GRID2: variants seen among roughly 807,000 people sequenced by gnomAD.
GRID2 encodes the protein glutamate ionotropic receptor delta type subunit 2, also known as glutamate receptor ionotropic, delta-2.
GRID2 carries 33 observed loss-of-function variants against 114.8 expected under a neutral mutation model. The ratio of observed to expected loss-of-function variants is 0.29; its 90% CI spans 0.22 to 0.38. GRID2 has a LOEUF of 0.38. Ranked by LOEUF, GRID2 falls within the 10% of genes least tolerant of loss-of-function variation. The pLI is 1.00. For synonymous variants in GRID2, 505 were observed against 449.9 expected, an observed-to-expected ratio of 1.12 and a Z score of -1.55; for missense variants, 1,184 against 1,257.7, an observed-to-expected ratio of 0.94 and a Z score of 0.89.
Position 93,111,130 on chromosome 4 carries a change from T to C in GRID2, c.735+177T>C, listed in dbSNP as rs574125879. ...CACTTATCTCATTTACCCCTTACTG[T>C]CCAGTTAGTTGCTGAGAGTATTTGT... On this transcript the variant is annotated intron_variant, in intron 4 of 15. Transcript: ENST00000282020. 5.3e-5 allele frequency among the ~76,000 whole-genome samples: 8 copies of C among 152,260 alleles called. No homozygotes were observed. The South Asian group carries it at 1.7e-3, about 32-fold the overall frequency.
intron 1 of GRID2, among the ~76,000 whole-genome samples, chr4:92,360,080 T>C (rs1728539603): frequency 6.6e-6 from 1 of 152,010 alleles, no homozygotes; most frequent in Admixed American, 6.6e-5. Context: ...AGCAAGTATT[T>C]GAAGACAGGA....
intron 2 of GRID2, among the ~76,000 whole-genome samples, chr4:92,659,599 G>T (rs1732421504): frequency 6.6e-6 from 1 of 151,408 alleles, no homozygotes; most frequent in South Asian, 2.1e-4. Flanking sequence ...TGTTTTCTAA[G>T]ATGTACTCTT....
intron 13 of GRID2, among the ~76,000 whole-genome samples, chr4:93,596,168 T>G (rs568522112): frequency 6.6e-6 from 1 of 152,248 alleles, no homozygotes; most frequent in Non-Finnish European, 1.5e-5. Flanking sequence ...TTAGCCCTAG[T>G]AAACCTTTGT....
chr4:93,629,823 A>G (rs1308318043), intron 14 of GRID2, among the ~76,000 whole-genome samples: 3 of 152,188 alleles, frequency 2.0e-5, no homozygotes, highest in Non-Finnish European at 2.9e-5. Flanking sequence ...TACATTTATT[A>G]TCTGCTACCT....
chr4:93,178,364 T>G (rs1739551692), intron 4 of GRID2, among the ~76,000 whole-genome samples: 1 of 151,086 alleles, frequency 6.6e-6, no homozygotes, highest in Non-Finnish European at 1.5e-5. Context: ...GCTTATATTG[T>G]TTTCCTTGAA....
intron 14 of GRID2, among the ~76,000 whole-genome samples, chr4:93,695,810 G>A (rs1218265939): frequency 2.0e-5 from 3 of 152,104 alleles, no homozygotes; most frequent in Admixed American, 6.6e-5. Context: ...TCTCTAAGCC[G>A]CTCAACTTCT....
intron 14 of GRID2, among the ~76,000 whole-genome samples, chr4:93,724,055 G>T (rs1729624935): frequency 6.6e-6 from 1 of 152,174 alleles, no homozygotes; most frequent in African/African-American, 2.4e-5. Flanking sequence ...AATAAAATGA[G>T]TTACTGTTGA....
At chr4:92,711,076 AAAGTATTT>A (rs1487166402) in intron 2 of GRID2, among the ~76,000 whole-genome samples, 1 of 152,142 alleles carries the variant, frequency 6.6e-6, no homozygotes, top group Non-Finnish European at 1.5e-5. Context: ...TCCCACTATT[AAAGTATTT>A]ATTTCTAAGT....
At chr4:92,961,685 G>T (rs1453845088) in intron 2 of GRID2, among the ~76,000 whole-genome samples, 1 of 151,212 alleles carries the variant, frequency 6.6e-6, no homozygotes, top group South Asian at 2.1e-4. Flanking sequence ...GTTCTCTGAG[G>T]TTCCTGAATC....
intron 13 of GRID2, among the ~76,000 whole-genome samples, chr4:93,613,790 G>C (rs547394963): frequency 6.6e-6 from 1 of 151,800 alleles, no homozygotes; most frequent in Admixed American, 6.6e-5. Flanking sequence ...GCCCCAAGAC[G>C]TGGAGCCTAC....
intron 13 of GRID2, among the ~76,000 whole-genome samples, chr4:93,535,879 C>T (rs188217809): frequency 3.1e-4 from 47 of 152,084 alleles, no homozygotes; most frequent in African/African-American, 7.0e-4. Context: ...TTTCCTTTGA[C>T]GTGCAGAGCT....
chr4:92,602,482 G>A (rs977425527), intron 2 of GRID2, among the ~76,000 whole-genome samples: 6 of 152,070 alleles, frequency 3.9e-5, no homozygotes, highest in Non-Finnish European at 2.9e-5. Flanking sequence ...ATGCTGAAAA[G>A]GAATTTGATA....
chr4:93,342,438 G>GA lies in GRID2; in HGVS notation c.1246-53160dup, dbSNP rs201176788. Among the ~76,000 whole-genome samples, 972 of 150,922 alleles carry GA rather than the reference G, an allele frequency of 6.4e-3. 6 individuals are homozygous for GA. Among genetic ancestry groups the GA allele is most frequent in the African/African-American group, 0.019 (799 of 41,210 alleles). Reference sequence around the variant, plus strand: ...AAATCCATTTCCTCATTTAAAAAGAGAAAAAAAAACTTATTATTATCATTC... The same window carrying GA: ...AAATCCATTTCCTCATTTAAAAAGAGAAAAAAAAAACTTATTATTATCATTC... On this transcript the variant is annotated intron_variant, in intron 8 of 15. Coordinates refer to ENST00000282020, the MANE Select transcript of GRID2 (RefSeq NM_001510.4).
At chr4:93,208,737 G>C (rs1354645656) in intron 5 of GRID2, among the ~76,000 whole-genome samples, 1 of 151,854 alleles carries the variant, frequency 6.6e-6, no homozygotes, top group East Asian at 1.9e-4. Flanking sequence ...CAAACATTAG[G>C]TTTCTATGAA....
intron 2 of GRID2, among the ~76,000 whole-genome samples, chr4:92,673,523 GT>G (rs1287654801): frequency 6.6e-6 from 1 of 152,156 alleles, no homozygotes; most frequent in Non-Finnish European, 1.5e-5. Flanking sequence ...CGCTTAAGGA[GT>G]TTTTAAAATA....
chr4:93,686,676 A>G (rs1026080646), intron 14 of GRID2, among the ~76,000 whole-genome samples: 7 of 152,032 alleles, frequency 4.6e-5, no homozygotes, highest in African/African-American at 1.7e-4. Flanking sequence ...ATGACTGAAA[A>G]TGAAGAAAGT....
intron 3 of GRID2, among the ~76,000 whole-genome samples, chr4:93,098,989 C>CTGTGTGTGTGTGTGTGTG (rs71579585): frequency 1.3e-4 from 18 of 138,982 alleles, no homozygotes; most frequent in East Asian, 2.2e-4. Flanking sequence ...AGATCATTTC[C>CTGTGTGTGTGTGTGTGTG]TGTGTGTGTG....
chr4:92,755,099 C>T (rs560014387), intron 2 of GRID2, among the ~76,000 whole-genome samples: 24 of 152,228 alleles, frequency 1.6e-4, no homozygotes. Flanking sequence ...GCAGGCAGAG[C>T]TGGTACCATT....
intron 8 of GRID2, among the ~76,000 whole-genome samples, chr4:93,345,548 T>C (rs1760138837): frequency 6.6e-6 from 1 of 152,088 alleles, no homozygotes; most frequent in African/African-American, 2.4e-5. Flanking sequence ...TGGATATTAA[T>C]AGTTTGTACG....
Sources: gnomAD v4.1 joint callset for allele counts (sites outside exome capture counted in the v4.1 genomes callset) on GRCh38, gnomAD v4.1.1 for gene constraint, MANE v1.5 for transcripts, NCBI Gene and HGNC (gene_info 2026-07-23, HGNC 2026-07-21) for gene names.